Variants in KPNA1 observed in about 807,000 individuals in gnomAD.
KPNA1 encodes the protein importin subunit alpha-5.
KPNA1 carries 10 observed loss-of-function variants against 70.5 expected under a neutral mutation model. That is an observed-to-expected ratio of 0.14 (90% CI 0.09 to 0.24). KPNA1 has a LOEUF of 0.24. Ranked by LOEUF, KPNA1 falls within the 10% of genes least tolerant of loss-of-function variation. KPNA1 has a pLI of 1.00. For synonymous variants in KPNA1, 192 were observed against 221.9 expected (o/e 0.87, Z 1.20); for missense variants, 397 against 637.9 (o/e 0.62, Z 4.07).
At chr3:122,427,858 A>T (rs1448707929) in intron 12 of KPNA1, 142 bp from the exon 13 acceptor site, 4 of 477,302 alleles carry the variant, frequency 8.4e-6, no homozygotes, top group Non-Finnish European at 1.4e-5. Flanking sequence ...CATACAAGCT[A>T]TACCTTTTCA....
At chr3:122,492,832 T>G (rs1354191311) in intron 2 of KPNA1, among the ~76,000 whole-genome samples, 1 of 152,230 alleles carries the variant, frequency 6.6e-6, no homozygotes, top group African/African-American at 2.4e-5. Context: ...TTTACGGCAA[T>G]GGTCATTCAC....
intron 2 of KPNA1, among the ~76,000 whole-genome samples, chr3:122,493,509 A>T (rs1381648764): frequency 6.6e-6 from 1 of 152,202 alleles, no homozygotes; most frequent in Non-Finnish European, 1.5e-5. Flanking sequence ...AACCACAAAG[A>T]GCCTTGGAAA....
intron 12 of KPNA1, among the ~76,000 whole-genome samples, chr3:122,430,850 G>A (rs1418483150): frequency 6.6e-6 from 1 of 152,128 alleles, no homozygotes; most frequent in Non-Finnish European, 1.5e-5. Flanking sequence ...GACAGGCCAA[G>A]TCTTCCCAAT....
At position 122,467,377 on chromosome 3, in the gene KPNA1, ACTT is replaced by A. The variant is rs752928463; in HGVS notation, c.179_181del (p.Glu60del). The A allele has an allele frequency of 6.2e-5, 100 of 1,610,594 alleles. No individual in the cohort carries two copies. Among genetic ancestry groups the A allele is most frequent in the Admixed American group, 3.5e-4 (21 of 59,780 alleles). ...CTCATGAAAGCCTCCATCTGACATAACTTCTTCTTCTGTTTCTTCTTCTGCTGT... is the reference window on the plus strand; with the variant it reads ...CTCATGAAAGCCTCCATCTGACATAACTTCTTCTGTTTCTTCTTCTGCTGT... On this transcript the variant is annotated inframe_deletion, in exon 3 of 14. Transcript: ENST00000344337.
intron 2 of KPNA1, among the ~76,000 whole-genome samples, chr3:122,468,223 C>T (rs1005872007): frequency 6.6e-6 from 1 of 152,150 alleles, no homozygotes; most frequent in African/African-American, 2.4e-5. Flanking sequence ...GCAGACAGTT[C>T]CAGGCTGCAG....
rs536425747 is a variant in KPNA1 at position 122,422,233 on chromosome 3, G to A, written c.*4752C>T. The stretch of plus-strand genomic sequence containing the variant: ...ATTCGCATCCATGGCACTGCTTCCT[G>A]AGGCAGTAATTCTTCAAAGCCTTTC... On this transcript the variant is annotated 3_prime_UTR_variant, in exon 14 of 14. Coordinates refer to ENST00000344337, the MANE Select transcript of KPNA1 (RefSeq NM_002264.4). The A allele has an allele frequency of 3.3e-5, 5 of 151,846 alleles. No homozygotes were observed. Among genetic ancestry groups the A allele is most frequent in the African/African-American group, 9.7e-5 (4 of 41,376 alleles). 9.4% of individuals were successfully genotyped at this position (151,846 alleles called of 1,614,324 possible). A position where few individuals can be genotyped will look rare whatever the true frequency, so the allele number is the denominator to read the frequency against.
At chr3:122,477,054 C>CA (rs1349425802) in intron 2 of KPNA1, among the ~76,000 whole-genome samples, 2 of 151,644 alleles carry the variant, frequency 1.3e-5, no homozygotes, top group African/African-American at 4.9e-5. Flanking sequence ...ATGAATGGAG[C>CA]AAAAAAGTGT....
At chr3:122,453,397 A>G (rs2076232569) in intron 6 of KPNA1, among the ~76,000 whole-genome samples, 1 of 152,208 alleles carries the variant, frequency 6.6e-6, no homozygotes, top group Admixed American at 6.5e-5. Context: ...TACAGTCACT[A>G]AGAAATTTTC....
At chr3:122,469,042 T>A (rs1322643874) in intron 2 of KPNA1, among the ~76,000 whole-genome samples, 1 of 152,164 alleles carries the variant, frequency 6.6e-6, no homozygotes, top group African/African-American at 2.4e-5. Context: ...CAATAATGAC[T>A]GAGAATTTCC....
At chr3:122,447,418 A>C (rs1362969315) in intron 9 of KPNA1, among the ~76,000 whole-genome samples, 1 of 152,246 alleles carries the variant, frequency 6.6e-6, no homozygotes, top group Non-Finnish European at 1.5e-5. Flanking sequence ...CCAACGACAA[A>C]AACTACATGA....
rs2076353908 is a variant in KPNA1, at chr3:122,463,981, G to C, written c.298C>G (p.Leu100Val). Residue 100 changes from leucine (L) to valine (V), a missense_variant, in exon 4 of 14, where the codon CTT (leucine) becomes GTT (valine). Leu to Val is a conservative substitution (Grantham distance 32). Transcript: ENST00000344337. ...TTCCTGAATTTCTGTGTTGCTGAAAGCTGTTGCTCTGGGCTTTTGGAAAAT... is the reference window on the plus strand; with the variant it reads ...TTCCTGAATTTCTGTGTTGCTGAAACCTGTTGCTCTGGGCTTTTGGAAAAT... ...MIFSKSPEQQ[L>V]SATQKFRKLL... is the part of the protein sequence containing the mutation. 1.2e-6 allele frequency: 2 copies of C among 1,607,132 alleles called. No individual in the cohort carries two copies. Among genetic ancestry groups the C allele is most frequent in the Non-Finnish European group, 1.7e-6 (2 of 1,175,696 alleles).
At chr3:122,504,638 G>A (rs1039606098) in intron 1 of KPNA1, among the ~76,000 whole-genome samples, 2 of 152,088 alleles carry the variant, frequency 1.3e-5, no homozygotes, top group Non-Finnish European at 2.9e-5. Flanking sequence ...GAAACTGTCT[G>A]TGTGTGTGTG....
chr3:122,493,436 G>A (rs1455148508), intron 2 of KPNA1, among the ~76,000 whole-genome samples: 2 of 151,830 alleles, frequency 1.3e-5, no homozygotes, highest in African/African-American at 4.8e-5. Flanking sequence ...ATACGAGTTA[G>A]AGTGGAGGAA....
At chr3:122,440,471 A>G (rs1416571578) in intron 10 of KPNA1, among the ~76,000 whole-genome samples, 1 of 152,204 alleles carries the variant, frequency 6.6e-6, no homozygotes, top group Non-Finnish European at 1.5e-5. Flanking sequence ...AGGAACAAAT[A>G]TGGCAAAAGC....
At chr3:122,455,362 G>A (rs549672782) in intron 5 of KPNA1, among the ~76,000 whole-genome samples, 9 of 152,240 alleles carry the variant, frequency 5.9e-5, no homozygotes, top group East Asian at 1.9e-4. Flanking sequence ...GGAGTACTTC[G>A]GTTAAAGAGC....
intron 10 of KPNA1, among the ~76,000 whole-genome samples, chr3:122,439,563 TAAG>T (rs1366781679): frequency 6.6e-6 from 1 of 151,068 alleles, no homozygotes; most frequent in African/African-American, 2.4e-5. Context: ...ACTAAAATCT[TAAG>T]GAGAAATTCC....
chr3:122,486,921 C>T (rs1265145077), intron 2 of KPNA1, among the ~76,000 whole-genome samples: 1 of 152,130 alleles, frequency 6.6e-6, no homozygotes, highest in Non-Finnish European at 1.5e-5. Context: ...TTGGAGGATG[C>T]TAAGAAACCA....
chr3:122,422,870 C>T lies in KPNA1; in HGVS notation c.*4115G>A, dbSNP rs952893588. 3.9e-5 allele frequency: 6 copies of T among 152,226 alleles called. No homozygotes were observed. The highest frequency in any genetic ancestry group is 2.1e-4 in the South Asian group (1 of 4,836). 9.4% of individuals were successfully genotyped at this position (152,226 alleles called of 1,614,324 possible). On this transcript the variant is annotated 3_prime_UTR_variant, in exon 14 of 14. Transcript: ENST00000344337. Reference sequence around the variant, plus strand: ...CTACAGGGAAAACACTCTGGGACTTCGTTTACCCTTAGTTGAAAACAGAAC... The same window carrying T: ...CTACAGGGAAAACACTCTGGGACTTTGTTTACCCTTAGTTGAAAACAGAAC...
intron 1 of KPNA1, among the ~76,000 whole-genome samples, chr3:122,507,857 T>C (rs1337095946): frequency 6.6e-6 from 1 of 152,172 alleles, no homozygotes; most frequent in Non-Finnish European, 1.5e-5. Context: ...CTTCATTCAA[T>C]TCATATCCAT....
Sources: gnomAD v4.1 joint callset for allele counts (sites outside exome capture counted in the v4.1 genomes callset) on GRCh38, gnomAD v4.1.1 for gene constraint, MANE v1.5 for transcripts, NCBI Gene and HGNC (gene_info 2026-07-23, HGNC 2026-07-21) for gene names.